The following PTPRD variants were observed in gnomAD, a reference collection of about 807,000 sequenced individuals.
PTPRD encodes the protein receptor-type tyrosine-protein phosphatase delta.
Under a neutral mutation model 214.5 loss-of-function variants are expected in PTPRD, and 34 were observed. The ratio of observed to expected loss-of-function variants is 0.16; its 90% CI spans 0.12 to 0.21. The LOEUF (loss-of-function observed/expected upper bound fraction) is 0.21, where lower values mean the gene tolerates loss of function less well. Among genes scored for constraint, PTPRD ranks in the 10% least tolerant of loss-of-function variants. PTPRD has a pLI of 1.00. For missense variants in PTPRD, 2,545 were observed against 2,398.7 expected, an observed-to-expected ratio of 1.06 and a Z score of -1.27; for synonymous variants, 1,128 against 845.7, an observed-to-expected ratio of 1.33 and a Z score of -5.79.
At chr9:8,756,611 G>A (rs889402720) in intron 11 of PTPRD, among the ~76,000 whole-genome samples, 3 of 152,060 alleles carry the variant, frequency 2.0e-5, no homozygotes, top group Admixed American at 6.6e-5. Context: ...GAGTTCTAAC[G>A]TTGTTAGGGA....
intron 3 of PTPRD, among the ~76,000 whole-genome samples, chr9:10,244,037 G>A (rs1418704428): frequency 3.0e-5 from 1 of 33,546 alleles, no homozygotes; most frequent in Admixed American, 3.1e-4. Flanking sequence ...AGGATTAAAT[G>A]TAATATACGT....
At chr9:10,509,576 T>C (rs2047306563) in intron 2 of PTPRD, among the ~76,000 whole-genome samples, 1 of 128,860 alleles carries the variant, frequency 7.8e-6, no homozygotes, top group South Asian at 2.6e-4. Flanking sequence ...TATATATATA[T>C]ATATTTTACT....
At chr9:10,506,242 T>G (rs1044892224) in intron 2 of PTPRD, among the ~76,000 whole-genome samples, 1 of 152,150 alleles carries the variant, frequency 6.6e-6, no homozygotes, top group African/African-American at 2.4e-5. Flanking sequence ...AATTTTAGCT[T>G]TATAAAAGAT....
At chr9:9,779,386 C>A (rs2494403) in intron 5 of PTPRD, among the ~76,000 whole-genome samples, 1 of 151,752 alleles carries the variant, frequency 6.6e-6, no homozygotes, top group Admixed American at 6.6e-5. Context: ...TTCTGCACAG[C>A]GAAAGAAACT....
At chr9:10,402,559 T>C (rs1261799889) in intron 2 of PTPRD, among the ~76,000 whole-genome samples, 3 of 151,744 alleles carry the variant, frequency 2.0e-5, no homozygotes, top group Admixed American at 6.6e-5. Flanking sequence ...TATCTTTTTA[T>C]TAACTACAGT....
rs59186868 is a variant in PTPRD, at chr9:9,655,618, G to GCCAAA, written c.-287+78910_-287+78914dup. ...ACCAAACCAAACCAAACCAAACCAA[G>GCCAAA]CCAAACCAAACCAAACCAAACCGGA... On this transcript the variant is annotated intron_variant, in intron 7 of 45. Transcript: ENST00000381196. Among the ~76,000 whole-genome samples, 1,139 of 118,326 alleles carry GCCAAA rather than the reference G, an allele frequency of 9.6e-3. 18 individuals carry two copies. Among genetic ancestry groups the GCCAAA allele is most frequent in the African/African-American group, 0.042 (1,050 of 25,068 alleles). The allele number at this position is 118,326 out of a possible 152,430, so 77.6% of individuals were successfully genotyped here. A position where few individuals can be genotyped will look rare whatever the true frequency, so the allele number is the denominator to read the frequency against.
chr9:9,499,452 C>T (rs952038131), intron 8 of PTPRD, among the ~76,000 whole-genome samples: 2 of 152,000 alleles, frequency 1.3e-5, no homozygotes, highest in South Asian at 4.1e-4. Flanking sequence ...AAATGGAAAT[C>T]TATTGTTATT....
At chr9:9,481,222 T>C (rs1301017953) in intron 8 of PTPRD, among the ~76,000 whole-genome samples, 5 of 152,114 alleles carry the variant, frequency 3.3e-5, no homozygotes, top group Non-Finnish European at 7.4e-5. Context: ...ATTTATTACC[T>C]AGTAAAAAAA....
intron 7 of PTPRD, among the ~76,000 whole-genome samples, chr9:9,727,445 T>C (rs1358588872): frequency 6.6e-6 from 1 of 152,090 alleles, no homozygotes; most frequent in Non-Finnish European, 1.5e-5. Flanking sequence ...AGTGAGACCC[T>C]GTCTGAAAAT....
chr9:9,639,570 A>G (rs2095871873), intron 7 of PTPRD, among the ~76,000 whole-genome samples: 1 of 152,210 alleles, frequency 6.6e-6, no homozygotes, highest in Non-Finnish European at 1.5e-5. Flanking sequence ...CAGGTAGATA[A>G]CAGTTATATT....
chr9:8,953,090 T>C (rs912886623), intron 11 of PTPRD, among the ~76,000 whole-genome samples: 1 of 151,690 alleles, frequency 6.6e-6, no homozygotes, highest in Non-Finnish European at 1.5e-5. Context: ...TTAGATAAAA[T>C]ATATGCTTTT....
intron 5 of PTPRD, among the ~76,000 whole-genome samples, chr9:9,928,820 G>A (rs1232268402): frequency 3.3e-5 from 5 of 149,756 alleles, no homozygotes; most frequent in Non-Finnish European, 7.4e-5. Flanking sequence ...TTAATTTTTT[G>A]AAGCCAGTTA....
chr9:9,945,562 G>C (rs1233309944), intron 4 of PTPRD, among the ~76,000 whole-genome samples: 1 of 152,176 alleles, frequency 6.6e-6, no homozygotes, highest in Non-Finnish European at 1.5e-5. Flanking sequence ...CAAGGTGGCA[G>C]TTAAGTAATG....
intron 11 of PTPRD, among the ~76,000 whole-genome samples, chr9:8,827,239 G>C (rs1026645520): frequency 1.3e-5 from 2 of 152,180 alleles, no homozygotes; most frequent in Admixed American, 6.5e-5. Context: ...TCATATTTCA[G>C]TCCCCCAAAC....
At chr9:10,238,643 A>G (rs1200985241) in intron 3 of PTPRD, among the ~76,000 whole-genome samples, 2 of 151,962 alleles carry the variant, frequency 1.3e-5, no homozygotes, top group Non-Finnish European at 2.9e-5. Context: ...GAGGCTAATT[A>G]ACCTATATTC....
Position 8,464,037 on chromosome 9 carries a change from C to G in PTPRD, c.3714+1429G>C, listed in dbSNP as rs79170089. On this transcript the variant is annotated intron_variant, in intron 32 of 45. Coordinates refer to ENST00000381196, the MANE Select transcript of PTPRD (RefSeq NM_002839.4). ...ACAAATTTGGAAAAAATTCTTGATT[C>G]TGTAATTAATAAACAGATGACATAC... Among the ~76,000 whole-genome samples the G allele has an allele frequency of 7.9e-5, 12 of 151,942 alleles. No individual in the cohort carries two copies. The East Asian group carries it at 2.3e-3, about 30-fold the overall frequency.
At chr9:9,906,889 G>T (rs751718966) in intron 5 of PTPRD, among the ~76,000 whole-genome samples, 1 of 151,892 alleles carries the variant, frequency 6.6e-6, no homozygotes, top group Non-Finnish European at 1.5e-5. Context: ...TATGAGATCT[G>T]GCTCATAGAA....
rs181965122 is a variant in PTPRD at position 9,709,865 on chromosome 9, T to A, written c.-287+24668A>T. On this transcript the variant is annotated intron_variant, in intron 7 of 45. Coordinates refer to ENST00000381196, the MANE Select transcript of PTPRD (RefSeq NM_002839.4). ...TTCTCTATGTATACGTATGTATGAA[T>A]ATGCTTCCTGAGGAAACCTGTTTAA... Among the ~76,000 whole-genome samples the A allele has an allele frequency of 9.2e-5, 14 of 152,236 alleles. No individual in the cohort carries two copies. In the East Asian group the frequency reaches 2.5e-3, roughly 27 times the overall value.
At chr9:8,776,109 A>G (rs79813287) in intron 11 of PTPRD, among the ~76,000 whole-genome samples, 213 of 152,288 alleles carry the variant, frequency 1.4e-3, no homozygotes, top group African/African-American at 4.9e-3. Context: ...ACTATCATAG[A>G]ATTTCCTTGG....
Sources: gnomAD v4.1 joint callset for allele counts (sites outside exome capture counted in the v4.1 genomes callset) on GRCh38, gnomAD v4.1.1 for gene constraint, MANE v1.5 for transcripts, NCBI Gene and HGNC (gene_info 2026-07-23, HGNC 2026-07-21) for gene names.